Variants in RAB38 observed in about 807,000 individuals in gnomAD.
RAB38 encodes RAB38, member RAS oncogene family.
In RAB38, 15 loss-of-function variants were observed where a neutral mutation model predicts 18.4. The ratio of observed to expected loss-of-function variants is 0.82; its 90% confidence interval spans 0.55 to 1.26. The LOEUF (loss-of-function observed/expected upper bound fraction) is 1.26, where lower values mean the gene tolerates loss of function less well. RAB38 is among the 50% of genes most tolerant of loss of function. The pLI is 0.00. For synonymous variants in RAB38, 101 were observed against 104.4 expected (o/e 0.97, Z 0.20); for missense variants, 294 against 267.4 (o/e 1.10, Z -0.69).
the RAB38 span, among the ~76,000 whole-genome samples, chr11:87,916,246 T>C: frequency 3.3e-5 from 5 of 152,128 alleles, no homozygotes; most frequent in South Asian, 1.0e-3. Context: ...CACTGGTTTA[T>C]GTATGGTTTT....
the RAB38 span, among the ~76,000 whole-genome samples, chr11:87,824,560 G>A: frequency 6.6e-6 from 1 of 152,042 alleles, no homozygotes; most frequent in Non-Finnish European, 1.5e-5. Flanking sequence ...GGAAGCTATC[G>A]AATCCACTAA....
chr11:88,108,443 GGTTTTT>G (rs1470806891), downstream of RAB38, among the ~76,000 whole-genome samples: 2 of 151,232 alleles, frequency 1.3e-5, no homozygotes, highest in East Asian at 1.9e-4. Context: ...ATTGCAACCC[GGTTTTT>G]GTTTTTGTTT....
the RAB38 span, among the ~76,000 whole-genome samples, chr11:88,038,459 T>C: frequency 4.6e-5 from 7 of 151,866 alleles, no homozygotes; most frequent in Non-Finnish European, 1.0e-4. Context: ...TTCTAAGCCA[T>C]TTAACAGTTT....
the RAB38 span, among the ~76,000 whole-genome samples, chr11:87,850,529 A>G: frequency 6.6e-6 from 1 of 152,012 alleles, no homozygotes; most frequent in Non-Finnish European, 1.5e-5. Flanking sequence ...TGGGTACACA[A>G]AACCCTTTTG....
chr11:88,128,373 T>C (rs142786699), intron 2 of RAB38, among the ~76,000 whole-genome samples: 2 of 152,336 alleles, frequency 1.3e-5, no homozygotes, highest in East Asian at 3.9e-4. Flanking sequence ...ATTTCTCAAA[T>C]TGAGAATTTA....
chr11:88,149,647 T>G, intron 2 of RAB38, 28 bp downstream of exon 2: 5 of 1,584,788 alleles, frequency 3.2e-6, no homozygotes, highest in Non-Finnish European at 4.3e-6. Context: ...CTTGCTTATA[T>G]TAAGCTTATT....
At chr11:87,917,142 G>T in the RAB38 span, among the ~76,000 whole-genome samples, 1 of 152,108 alleles carries the variant, frequency 6.6e-6, no homozygotes, top group Non-Finnish European at 1.5e-5. Flanking sequence ...AAGTCTAATT[G>T]GTGGGTTCAG....
At chr11:88,031,769 A>G in the RAB38 span, among the ~76,000 whole-genome samples, 1 of 152,162 alleles carries the variant, frequency 6.6e-6, no homozygotes, top group Non-Finnish European at 1.5e-5. Flanking sequence ...GCTCAAGGGT[A>G]GGAAGAATCA....
intron 2 of RAB38, among the ~76,000 whole-genome samples, chr11:88,116,248 T>A (rs1298012235): frequency 2.0e-5 from 3 of 152,176 alleles, no homozygotes; most frequent in Non-Finnish European, 4.4e-5. Context: ...GATGGTCCCC[T>A]ACTGTGTCCC....
At chr11:87,896,547 G>T in the RAB38 span, among the ~76,000 whole-genome samples, 1 of 151,554 alleles carries the variant, frequency 6.6e-6, no homozygotes, top group Non-Finnish European at 1.5e-5. Flanking sequence ...AAACATGACT[G>T]CTGAAAATTT....
At chr11:88,057,114 G>C in the RAB38 span, among the ~76,000 whole-genome samples, 8 of 152,144 alleles carry the variant, frequency 5.3e-5, no homozygotes, top group Admixed American at 4.6e-4. Flanking sequence ...CTTACACTAA[G>C]AGGAACACTG....
At chr11:87,949,652 C>G in the RAB38 span, among the ~76,000 whole-genome samples, 18 of 152,226 alleles carry the variant, frequency 1.2e-4, no homozygotes, top group South Asian at 6.2e-4. Flanking sequence ...TATGTACCCA[C>G]TAATCATTCA....
the RAB38 span, among the ~76,000 whole-genome samples, chr11:87,832,870 T>C: frequency 1.3e-5 from 2 of 149,468 alleles, no homozygotes; most frequent in Admixed American, 1.3e-4. Flanking sequence ...TATCACAAGT[T>C]CCAGAGATTA....
At chr11:87,893,390 A>ATGTGTATATATATATATATATATAT in the RAB38 span, among the ~76,000 whole-genome samples, 2 of 93,916 alleles carry the variant, frequency 2.1e-5, no homozygotes, top group Non-Finnish European at 4.1e-5. Context: ...ATATATATAT[A>ATGTGTATATATATATATATATATAT]TTTTTTTTTT....
At chr11:88,172,977 T>A (rs1943328238) in intron 1 of RAB38, among the ~76,000 whole-genome samples, 1 of 152,214 alleles carries the variant, frequency 6.6e-6, no homozygotes, top group South Asian at 2.1e-4. Flanking sequence ...CCGCAGTATC[T>A]GTAGAATGAA....
the RAB38 span, among the ~76,000 whole-genome samples, chr11:88,085,887 T>A: frequency 2.0e-5 from 3 of 151,912 alleles, no homozygotes; most frequent in African/African-American, 7.2e-5. Context: ...GAGTTGAGGC[T>A]GTTCTTACAC....
At chr11:88,052,199 G>A in the RAB38 span, among the ~76,000 whole-genome samples, 1 of 151,968 alleles carries the variant, frequency 6.6e-6, no homozygotes, top group East Asian at 1.9e-4. Flanking sequence ...ATAGAGAATA[G>A]AAGAAAGAGT....
chr11:88,114,178 T>C (rs1220076937), intron 2 of RAB38, 38 bp from the exon 3 acceptor site: 2 of 1,600,560 alleles, frequency 1.2e-6, no homozygotes, highest in South Asian at 2.2e-5. Context: ...TCTTATTCAA[T>C]ACTCTGAAAT....
At chr11:87,940,590 ATATATC>A in the RAB38 span, among the ~76,000 whole-genome samples, 1 of 152,080 alleles carries the variant, frequency 6.6e-6, no homozygotes, top group Admixed American at 6.6e-5. Flanking sequence ...ATATATGTAC[ATATATC>A]TATATCTATA....
Sources: allele counts gnomAD v4.1 joint callset (sites outside exome capture counted in the v4.1 genomes callset), GRCh38; gene constraint gnomAD v4.1.1; transcripts MANE v1.5; gene names NCBI Gene and HGNC (gene_info 2026-07-23, HGNC 2026-07-21).